CORO2A: variants seen among roughly 807,000 people sequenced by gnomAD.
CORO2A encodes the protein coronin-2A.
CORO2A carries 47 observed loss-of-function variants against 62.4 expected under a neutral mutation model. That is an observed-to-expected ratio of 0.75 (90% CI 0.60 to 0.96). The LOEUF is 0.96. Ranked by LOEUF, CORO2A falls within the 40% of genes least tolerant of loss-of-function variation. The pLI is 0.00. For synonymous variants in CORO2A, 273 were observed against 268.9 expected (o/e 1.02, Z -0.15); for missense variants, 610 against 684.1 (o/e 0.89, Z 1.21).
intron 2 of CORO2A, among the ~76,000 whole-genome samples, chr9:98,139,014 T>C (rs1346905415): frequency 7.3e-6 from 1 of 137,352 alleles, no homozygotes; most frequent in East Asian, 2.1e-4. Flanking sequence ...GCCACTGCAC[T>C]ACAGCCTGGC....
At chr9:98,181,390 G>A (rs983487758) in intron 1 of CORO2A, among the ~76,000 whole-genome samples, 1 of 143,586 alleles carries the variant, frequency 7.0e-6, no homozygotes, top group Non-Finnish European at 1.5e-5. Flanking sequence ...TGTCCAGGCT[G>A]GTCTGGAACT....
At chr9:98,171,770 G>A (rs1261986567) in intron 1 of CORO2A, among the ~76,000 whole-genome samples, 1 of 151,990 alleles carries the variant, frequency 6.6e-6, no homozygotes, top group African/African-American at 2.4e-5. Flanking sequence ...GGGGTGGGGA[G>A]GCTGGGTCTG....
intron 2 of CORO2A, among the ~76,000 whole-genome samples, chr9:98,139,248 A>AATTCACAACCTTATAGTTGTG (rs1313471836): frequency 1.3e-5 from 2 of 152,038 alleles, no homozygotes; most frequent in African/African-American, 4.8e-5. Context: ...CAACCTTGTG[A>AATTCACAACCTTATAGTTGTG]ATATACTAAG....
chr9:98,127,874 G>A (rs1257517753), intron 10 of CORO2A, among the ~76,000 whole-genome samples: 1 of 151,304 alleles, frequency 6.6e-6, no homozygotes, highest in East Asian at 1.9e-4. Context: ...TGGGGAACAG[G>A]GACAGGGAGT....
At chr9:98,157,768 T>G (rs1827826956) in intron 1 of CORO2A, 108 bp from the exon 2 acceptor site, 1 of 1,039,322 alleles carries the variant, frequency 9.6e-7, no homozygotes, top group African/African-American at 1.6e-5. Flanking sequence ...AGGACAGTGG[T>G]CAGTTCAACG....
intron 1 of CORO2A, among the ~76,000 whole-genome samples, chr9:98,182,817 A>G (rs923551566): frequency 1.3e-5 from 2 of 152,244 alleles, no homozygotes; most frequent in Admixed American, 6.5e-5. Context: ...AATGATTCCA[A>G]GACAGCTTTT....
At position 98,124,546 on chromosome 9, in the gene CORO2A, G is replaced by T; in HGVS notation, c.*228C>A. On this transcript the variant is annotated 3_prime_UTR_variant, in exon 12 of 12. Coordinates refer to ENST00000375077, the MANE Select transcript of CORO2A (RefSeq NM_052820.4). ...GGGCCCTTAATAACAGAATTCAACA[G>T]AAGGCATCATCTGAAAACAAAGTCA... 1 of 416,802 alleles carries T rather than the reference G, an allele frequency of 2.4e-6. No individual in the cohort carries two copies. The highest frequency in any genetic ancestry group is 4.0e-5 in the East Asian group (1 of 24,750). The allele number at this position is 416,802 out of a possible 1,614,324, so 25.8% of individuals were successfully genotyped here.
intron 2 of CORO2A, among the ~76,000 whole-genome samples, chr9:98,143,805 G>A (rs1042719697): frequency 2.0e-5 from 3 of 152,134 alleles, no homozygotes; most frequent in Non-Finnish European, 2.9e-5. Flanking sequence ...ACATAGCAGT[G>A]GCTCCAGGCA....
At chr9:98,171,456 A>G (rs971862489) in intron 1 of CORO2A, among the ~76,000 whole-genome samples, 4 of 152,210 alleles carry the variant, frequency 2.6e-5, no homozygotes, top group Non-Finnish European at 5.9e-5. Context: ...TGTAGGGGAG[A>G]TGCATGGGCA....
In CORO2A at chr9:98,128,694, G is replaced by T; in HGVS notation, c.993C>A (p.Asp331Glu). Residue 331 changes from aspartate (D) to glutamate (E), a missense_variant, in exon 9 of 12, where the codon GAC becomes GAA. By Grantham distance (45) the Asp-to-Glu change is conservative. Transcript: ENST00000375077. ...GIGVMPKRGL[D>E]VSSCEIFRFY... ...AGCGGAAGATCTCGCAGGAGGACAC[G>T]TCGAGTCCTCTCTTTGGCATGACAC... 1 of 1,614,160 alleles carries T rather than the reference G, an allele frequency of 6.2e-7. No individual in the cohort carries two copies. Among genetic ancestry groups the T allele is most frequent in the Admixed American group, 1.7e-5 (1 of 60,032 alleles).
chr9:98,178,408 A>G (rs756684046), intron 1 of CORO2A, among the ~76,000 whole-genome samples: 2 of 152,154 alleles, frequency 1.3e-5, no homozygotes, highest in Non-Finnish European at 2.9e-5. Context: ...ACAAGTCACA[A>G]TTTTTCAGTA....
chr9:98,176,812 A>G (rs1828114344), intron 1 of CORO2A, among the ~76,000 whole-genome samples: 1 of 152,160 alleles, frequency 6.6e-6, no homozygotes, highest in Admixed American at 6.6e-5. Flanking sequence ...TGGGGTACAG[A>G]AAGAGGAAAT....
intron 1 of CORO2A, chr9:98,172,508 A>C (rs1188135105): frequency 1.3e-4 from 11 of 86,138 alleles, no homozygotes; most frequent in East Asian, 3.5e-4. Flanking sequence ...GCTCAGCCCC[A>C]CACCCCACTT....
At chr9:98,164,718 T>A (rs879655300) in intron 1 of CORO2A, among the ~76,000 whole-genome samples, 1 of 152,172 alleles carries the variant, frequency 6.6e-6, no homozygotes, top group Admixed American at 6.5e-5. Context: ...AGTGATACAG[T>A]GGGATCCAGT....
chr9:98,153,814 A>T (rs1234883687), intron 2 of CORO2A, among the ~76,000 whole-genome samples: 2 of 152,146 alleles, frequency 1.3e-5, no homozygotes, highest in African/African-American at 4.8e-5. Flanking sequence ...CAAGATAAAA[A>T]GGTTTTAAAA....
intron 1 of CORO2A, among the ~76,000 whole-genome samples, chr9:98,189,449 T>C (rs1473420625): frequency 6.6e-6 from 1 of 152,218 alleles, no homozygotes; most frequent in Non-Finnish European, 1.5e-5. Flanking sequence ...CATTTTGAAA[T>C]AGCAAAGGTT....
chr9:98,178,941 G>C (rs1475237706), intron 1 of CORO2A, among the ~76,000 whole-genome samples: 2 of 152,186 alleles, frequency 1.3e-5, no homozygotes, highest in African/African-American at 4.8e-5. Flanking sequence ...GGGTCACCTG[G>C]CTGGTCAGTG....
In CORO2A at chr9:98,122,947, T is replaced by C. The variant is rs1276158184; in HGVS notation, c.*1827A>G. On this transcript the variant is annotated 3_prime_UTR_variant, in exon 12 of 12. Coordinates refer to ENST00000375077, the MANE Select transcript of CORO2A (RefSeq NM_052820.4). ...TTGACCACCTGCCTGTGTTGTAGAA[T>C]TGGGTTGAATGCCTCTGACCCCTTG... 6.6e-6 allele frequency: 1 copy of C among 152,252 alleles called. No homozygotes were observed. Among genetic ancestry groups the C allele is most frequent in the Non-Finnish European group, 1.5e-5 (1 of 68,058 alleles). The allele number at this position is 152,252 out of a possible 1,614,324, so 9.4% of individuals were successfully genotyped here. A position where few individuals can be genotyped will look rare whatever the true frequency, so the allele number is the denominator to read the frequency against.
intron 1 of CORO2A, chr9:98,172,853 A>T (rs1828057468): frequency 6.6e-6 from 1 of 152,234 alleles, no homozygotes; most frequent in Admixed American, 6.5e-5. Context: ...TGGGTTTATG[A>T]GGATTAAAAG....
Sources: allele counts gnomAD v4.1 joint callset (sites outside exome capture counted in the v4.1 genomes callset), GRCh38; gene constraint gnomAD v4.1.1; transcripts MANE v1.5; gene names NCBI Gene and HGNC (gene_info 2026-07-23, HGNC 2026-07-21).